The following CTNND2 variants were observed in gnomAD, a reference collection of about 807,000 sequenced individuals.
CTNND2 encodes catenin delta-2.
CTNND2 carries 22 observed loss-of-function variants against 144.4 expected under a neutral mutation model. That is an observed-to-expected ratio of 0.15 (90% CI 0.11 to 0.22). The LOEUF is 0.22. Among genes scored for constraint, CTNND2 ranks in the 10% least tolerant of loss-of-function variants. CTNND2 has a pLI of 1.00. For missense variants in CTNND2, 1,353 were observed against 1,618.8 expected (o/e 0.84, Z 2.82); for synonymous variants, 751 against 695.6 (o/e 1.08, Z -1.25).
intron 2 of CTNND2, among the ~76,000 whole-genome samples, chr5:11,595,495 T>C (rs971852882): frequency 3.9e-5 from 6 of 152,210 alleles, no homozygotes; most frequent in African/African-American, 1.2e-4. Flanking sequence ...ATAAACCTCT[T>C]ATTTGAGACC....
intron 3 of CTNND2, among the ~76,000 whole-genome samples, chr5:11,458,812 G>A (rs1038922737): frequency 1.3e-5 from 2 of 152,134 alleles, no homozygotes; most frequent in African/African-American, 4.8e-5. Context: ...GTGCAGTGGT[G>A]CAATCATGGC....
chr5:11,533,458 C>T (rs1773938316), intron 3 of CTNND2, among the ~76,000 whole-genome samples: 1 of 152,166 alleles, frequency 6.6e-6, no homozygotes. Context: ...GAAGAATGAG[C>T]CAAAGTCACT....
rs1001424356 is a variant in CTNND2, at chr5:11,273,968, C to T, written c.1629-37145G>A. Among the ~76,000 whole-genome samples, 9 of 152,078 alleles carry T rather than the reference C, an allele frequency of 5.9e-5. 1 individual carries two copies. The highest frequency in any genetic ancestry group is 6.6e-5 in the Admixed American group (1 of 15,262). On this transcript the variant is annotated intron_variant, in intron 9 of 21. Transcript: ENST00000304623. The stretch of plus-strand genomic sequence containing the variant: ...GAATATATAGATTTCCTGGGGCGGC[C>T]AGGGAGGGGACGGGTATTTATGCCT...
intron 10 of CTNND2, among the ~76,000 whole-genome samples, chr5:11,219,334 G>C (rs1739541573): frequency 6.6e-6 from 1 of 152,156 alleles, no homozygotes; most frequent in African/African-American, 2.4e-5. Context: ...CTCCAGCAGG[G>C]AATTTTTCAA....
At chr5:11,600,203 G>T (rs1162183609) in intron 2 of CTNND2, among the ~76,000 whole-genome samples, 2 of 152,118 alleles carry the variant, frequency 1.3e-5, no homozygotes, top group Non-Finnish European at 2.9e-5. Context: ...TGCTAATACA[G>T]CAAGTGTGTG....
At chr5:11,166,720 C>T (rs1257148290) in intron 11 of CTNND2, among the ~76,000 whole-genome samples, 1 of 152,058 alleles carries the variant, frequency 6.6e-6, no homozygotes, top group Non-Finnish European at 1.5e-5. Context: ...CCAGGACGCC[C>T]TGAAGTCCTG....
intron 13 of CTNND2, among the ~76,000 whole-genome samples, chr5:11,114,521 GA>G (rs1753350943): frequency 6.6e-6 from 1 of 152,186 alleles, no homozygotes; most frequent in Admixed American, 6.5e-5. Context: ...TAAGGAGAAA[GA>G]GAAGACAAAA....
chr5:11,375,394 ATTT>A (rs1001401376), intron 7 of CTNND2, among the ~76,000 whole-genome samples: 2 of 152,128 alleles, frequency 1.3e-5, no homozygotes, highest in Non-Finnish European at 2.9e-5. Flanking sequence ...CATTTTATTA[ATTT>A]TTATTATTTT....
chr5:10,977,694 C>T (rs1346117289), intron 21 of CTNND2, among the ~76,000 whole-genome samples: 1 of 152,228 alleles, frequency 6.6e-6, no homozygotes, highest in East Asian at 1.9e-4. Context: ...CTCAAGCGAT[C>T]TGCCTGCCTC....
intron 16 of CTNND2, among the ~76,000 whole-genome samples, chr5:11,064,607 A>G (rs955893795): frequency 6.6e-6 from 1 of 152,030 alleles, no homozygotes; most frequent in Non-Finnish European, 1.5e-5. Flanking sequence ...TTGCTTATCT[A>G]TTCTGCAGAA....
At chr5:11,705,234 C>T (rs1785637260) in intron 2 of CTNND2, among the ~76,000 whole-genome samples, 1 of 152,166 alleles carries the variant, frequency 6.6e-6, no homozygotes, top group Non-Finnish European at 1.5e-5. Flanking sequence ...GTGTCTCCAA[C>T]CCAAAGGATG....
intron 3 of CTNND2, among the ~76,000 whole-genome samples, chr5:11,489,887 G>C: frequency 6.6e-6 from 1 of 152,054 alleles, no homozygotes; most frequent in East Asian, 1.9e-4. Flanking sequence ...TGTGAATTTC[G>C]TTCTAGGTTT....
At chr5:11,616,792 A>G (rs1480053120) in intron 2 of CTNND2, among the ~76,000 whole-genome samples, 1 of 152,098 alleles carries the variant, frequency 6.6e-6, no homozygotes, top group East Asian at 1.9e-4. Flanking sequence ...TTTTTAGCAG[A>G]GACAGCGTTT....
At chr5:11,300,832 C>T (rs985671719) in intron 9 of CTNND2, among the ~76,000 whole-genome samples, 19 of 152,210 alleles carry the variant, frequency 1.2e-4, no homozygotes, top group Admixed American at 3.3e-4. Context: ...TCAAGGGTGC[C>T]GCCTTTTGGA....
chr5:11,704,609 C>T (rs1041812786), intron 2 of CTNND2, among the ~76,000 whole-genome samples: 23 of 152,112 alleles, frequency 1.5e-4, no homozygotes, highest in African/African-American at 4.3e-4. Flanking sequence ...CTGTGTTGGT[C>T]CTGGAGGGCT....
At chr5:11,073,590 T>C (rs989432845) in intron 16 of CTNND2, among the ~76,000 whole-genome samples, 2 of 152,234 alleles carry the variant, frequency 1.3e-5, no homozygotes, top group Non-Finnish European at 2.9e-5. Context: ...ATTTATAACT[T>C]CCCTTTTAAG....
intron 3 of CTNND2, among the ~76,000 whole-genome samples, chr5:11,476,440 G>T (rs1767748960): frequency 6.6e-6 from 1 of 152,146 alleles, no homozygotes; most frequent in Non-Finnish European, 1.5e-5. Flanking sequence ...TGAGGAAATG[G>T]AGGTCCAGAT....
At chr5:11,278,500 A>G (rs550393898) in intron 9 of CTNND2, among the ~76,000 whole-genome samples, 1 of 152,282 alleles carries the variant, frequency 6.6e-6, no homozygotes, top group African/African-American at 2.4e-5. Context: ...AGAGGGGACA[A>G]GCACAAAAAT....
intron 2 of CTNND2, among the ~76,000 whole-genome samples, chr5:11,576,877 G>A (rs1226625748): frequency 6.6e-6 from 1 of 152,110 alleles, no homozygotes; most frequent in African/African-American, 2.4e-5. Context: ...AGTCTCTTCG[G>A]TGGCTGGAGA....
Sources: allele counts gnomAD v4.1 joint callset (sites outside exome capture counted in the v4.1 genomes callset), GRCh38; gene constraint gnomAD v4.1.1; transcripts MANE v1.5; gene names NCBI Gene and HGNC (gene_info 2026-07-23, HGNC 2026-07-21).